Variants in ZNF483 observed in about 807,000 individuals in gnomAD.
ZNF483 encodes the protein zinc finger protein 483.
ZNF483 carries 9 observed loss-of-function variants against 28.6 expected under a neutral mutation model. The observed-to-expected ratio is 0.32, with a 90% CI of 0.19 to 0.55. The LOEUF (loss-of-function observed/expected upper bound fraction) is 0.55, where lower values mean the gene tolerates loss of function less well. Among genes scored for constraint, ZNF483 ranks in the 20% least tolerant of loss-of-function variants. The pLI, the probability that ZNF483 is intolerant of heterozygous loss-of-function variation, is 0.93. For missense variants in ZNF483, 675 were observed against 871.7 expected (o/e 0.77, Z 2.84); for synonymous variants, 322 against 306.2 (o/e 1.05, Z -0.54).
At chr9:111,565,814 C>T (rs1828537223) in intron 5 of ZNF483, among the ~76,000 whole-genome samples, 1 of 151,912 alleles carries the variant, frequency 6.6e-6, no homozygotes, top group Non-Finnish European at 1.5e-5. Context: ...TATGAGCCAC[C>T]GCACCCAGCC....
chr9:111,548,971 T>C lies in ZNF483; in HGVS notation c.*5801T>C, dbSNP rs369351865. 9.8e-5 allele frequency among the ~76,000 whole-genome samples: 15 copies of C among 152,290 alleles called. No individual in the cohort carries two copies. The highest frequency in any genetic ancestry group is 3.4e-4 in the African/African-American group (14 of 41,572). ...TGCTTTTGAGATTCTCCTTTTGTCT[T>C]TGGATTTCAGCAGCTTGATTATAAC... On this transcript the variant is annotated 3_prime_UTR_variant, in exon 6 of 6. Coordinates refer to ENST00000309235, the MANE Select transcript of ZNF483 (RefSeq NM_133464.5).
rs1390705175 is a variant in ZNF483 at position 111,545,032 on chromosome 9, A to G, written c.*1862A>G. Among the ~76,000 whole-genome samples, 2 of 152,190 alleles carry G rather than the reference A, an allele frequency of 1.3e-5. No individual in the cohort carries two copies. The highest frequency in any genetic ancestry group is 1.9e-4 in the East Asian group (1 of 5,198). On this transcript the variant is annotated 3_prime_UTR_variant, in exon 6 of 6. Coordinates refer to ENST00000309235, the MANE Select transcript of ZNF483 (RefSeq NM_133464.5). ...GACTCAGGAACATTTACTGTGACTA[A>G]TGTATGTAGGTGTGAAATGCTACCT...
downstream of ZNF483, among the ~76,000 whole-genome samples, chr9:111,560,196 T>C (rs1828233007): frequency 6.6e-6 from 1 of 151,394 alleles, no homozygotes; most frequent in Non-Finnish European, 1.5e-5. Flanking sequence ...AATACAAAAA[T>C]CAGGCTGGGC....
chr9:111,544,277 CAA>C lies in ZNF483; in HGVS notation c.*1108_*1109del. The C allele has an allele frequency of 1.0e-6, 1 of 985,096 alleles. No individual in the cohort carries two copies. The highest frequency in any genetic ancestry group is 4.7e-5 in the South Asian group (1 of 21,276). 61.0% of individuals were successfully genotyped at this position (985,096 alleles called of 1,614,324 possible). ...TGCCTGTAGCAAGTACATTTTTTTG[CAA>C]TTGGAGTGTAAACATTCTGTGTGGC... On this transcript the variant is annotated 3_prime_UTR_variant, in exon 6 of 6. Transcript: ENST00000309235.
intron 5 of ZNF483, among the ~76,000 whole-genome samples, chr9:111,565,984 G>A (rs1445598592): frequency 6.6e-6 from 1 of 152,100 alleles, no homozygotes; most frequent in African/African-American, 2.4e-5. Context: ...GGCTGAGGCA[G>A]GAGAATCACT....
In ZNF483 at chr9:111,527,571, G is replaced by T. The variant is rs1564589431; in HGVS notation, c.176G>T (p.Cys59Phe). Residue 59 changes from cysteine to phenylalanine, a missense_variant, in exon 2 of 6, where the codon TGT becomes TTT. Around this residue, in one of 6 missense-constraint regions of ZNF483, gnomAD observed 525 missense variants for 581.8 expected, o/e 0.90. Transcript: ENST00000309235. ...ESFRQRFRWF[C>F]YSEVAGPRKA... The stretch of plus-strand genomic sequence containing the variant: ...TTCAGACAGAGGTTTAGGTGGTTTT[G>T]TTACTCAGAAGTAGCTGGACCCAGG... 1 of 1,614,208 alleles carries T rather than the reference G, an allele frequency of 6.2e-7. No homozygotes were observed. The highest frequency in any genetic ancestry group is 1.7e-5 in the Admixed American group (1 of 60,024).
downstream of ZNF483, among the ~76,000 whole-genome samples, chr9:111,556,417 A>G (rs1355192030): frequency 1.3e-5 from 2 of 152,220 alleles, no homozygotes; most frequent in African/African-American, 4.8e-5. Flanking sequence ...TCCACTGTGT[A>G]GGGGGCTCCA....
At chr9:111,540,142 T>A (rs115306779) in intron 5 of ZNF483, among the ~76,000 whole-genome samples, 1,592 of 152,194 alleles carry the variant, frequency 0.01, 28 homozygotes, top group African/African-American at 0.036. Flanking sequence ...TAAAAAATTT[T>A]AAAAAATTTT....
downstream of ZNF483, among the ~76,000 whole-genome samples, chr9:111,578,000 T>TG (rs547836676): frequency 0.068 from 10,227 of 151,480 alleles, 536 homozygotes; most frequent in East Asian, 0.25. Context: ...TAGCGTTTTT[T>TG]GGGGGGGGTG....
chr9:111,539,450 T>C (rs1006413865), intron 5 of ZNF483: 5 of 455,802 alleles, frequency 1.1e-5, no homozygotes, highest in African/African-American at 1.0e-4. Flanking sequence ...TTTTAGGAAG[T>C]GTGATTTGAT....
chr9:111,542,771 C>T lies in ZNF483; in HGVS notation c.1836C>T (p.Cys612=), dbSNP rs759377638. 1.9e-5 allele frequency: 30 copies of T among 1,613,752 alleles called. No homozygotes were observed. In the Admixed American group the frequency reaches 2.2e-4, roughly 12 times the overall value. Residue 612 remains cysteine (C), a synonymous_variant, in exon 6 of 6, where the codon TGC becomes TGT. Transcript: ENST00000309235. The surrounding 1 kb of genome is among the most constrained non-coding windows in gnomAD (Gnocchi z 6.2). The part of the protein sequence containing the change: ...TGEKPYLCND[C]GMTFSHFTSV... ...AAAAACCATATTTGTGTAATGATTG[C>T]GGAATGACTTTTAGCCATTTTACGT...
chr9:111,527,185 T>C, intron 1 of ZNF483, 83 bp from the exon 2 acceptor site: 1 of 476,864 alleles, frequency 2.1e-6, no homozygotes, highest in South Asian at 3.9e-5. Flanking sequence ...GATATATTTC[T>C]CTGAACCAAA....
chr9:111,561,102 T>G lies in ZNF483; in HGVS notation c.722-15263T>G, dbSNP rs551053682. On this transcript the variant is annotated intron_variant, in intron 5 of 5. Coordinates refer to the ZNF483 transcript ENST00000358151. ...CATCTAAAATATATATATATATATA[T>G]ATATATATAGAGAGAGAGAGAGAGA... is the stretch of plus-strand genomic sequence containing the variant. Among the ~76,000 whole-genome samples the G allele has an allele frequency of 1.1e-3, 31 of 29,340 alleles. 3 individuals carry two copies. The highest frequency in any genetic ancestry group is 1.9e-3 in the Admixed American group (7 of 3,616). 19.2% of individuals were successfully genotyped at this position (29,340 alleles called of 152,430 possible).
chr9:111,529,767 T>A (rs1419616373), intron 2 of ZNF483, among the ~76,000 whole-genome samples: 4 of 152,256 alleles, frequency 2.6e-5, no homozygotes, highest in Non-Finnish European at 4.4e-5. Flanking sequence ...AACTTTTATC[T>A]ATGGCTGTTC....
Position 111,544,070 on chromosome 9 carries a change from CTT to C in ZNF483, c.*904_*905del, listed in dbSNP as rs1428797829. 6 of 985,024 alleles carry C rather than the reference CTT, an allele frequency of 6.1e-6. No homozygotes were observed. The African/African-American group carries it at 1.0e-4, about 17-fold the overall frequency. The allele number at this position is 985,024 out of a possible 1,614,324, so 61.0% of individuals were successfully genotyped here. On this transcript the variant is annotated 3_prime_UTR_variant, in exon 6 of 6. Transcript: ENST00000309235. ...AGTATTTTAATCGGACAAGGGAACTCTTTTTCTTTTGGGCATTGGCCAACAGG... is the reference window on the plus strand; with the variant it reads ...AGTATTTTAATCGGACAAGGGAACTCTTTCTTTTGGGCATTGGCCAACAGG...
At chr9:111,577,273 C>A (rs1398869518) in exon 6 of ZNF483, 2 of 152,072 alleles carry the variant, frequency 1.3e-5, no homozygotes, top group African/African-American at 4.8e-5. Flanking sequence ...TCACTTCAAA[C>A]CTACTAGGAT....
chr9:111,539,363 C>T (rs1369230348), intron 5 of ZNF483: 1 of 444,776 alleles, frequency 2.2e-6, no homozygotes, highest in African/African-American at 2.0e-5. Flanking sequence ...TCAGGGGCTT[C>T]TGCTCCTCAT....
At chr9:111,570,479 A>C (rs1828765255) in intron 5 of ZNF483, among the ~76,000 whole-genome samples, 1 of 152,148 alleles carries the variant, frequency 6.6e-6, no homozygotes, top group Non-Finnish European at 1.5e-5. Flanking sequence ...AGATATGATT[A>C]AGAAGTTTGG....
At chr9:111,525,943 T>C (rs1200537974) in intron 1 of ZNF483, among the ~76,000 whole-genome samples, 1 of 152,182 alleles carries the variant, frequency 6.6e-6, no homozygotes, top group African/African-American at 2.4e-5. Flanking sequence ...GTAGTCCCGC[T>C]CCGGCTGTAT....
Sources: allele counts gnomAD v4.1 joint callset (sites outside exome capture counted in the v4.1 genomes callset), GRCh38; gene constraint gnomAD v4.1.1; regional missense constraint gnomAD v4.1.1; non-coding constraint Gnocchi (gnomAD v3.1); transcripts MANE v1.5; gene names NCBI Gene and HGNC (gene_info 2026-07-23, HGNC 2026-07-21).